Variants in GGACT observed in about 807,000 individuals in gnomAD.
The protein encoded by GGACT is gamma-glutamylamine cyclotransferase.
For synonymous variants in GGACT, 118 were observed against 115.3 expected, an observed-to-expected ratio of 1.02 and a Z score of -0.15; for missense variants, 241 against 233.2, an observed-to-expected ratio of 1.03 and a Z score of -0.22.
At chr13:100,554,789 G>C (rs1318350581) in intron 2 of GGACT, among the ~76,000 whole-genome samples, 1 of 152,174 alleles carries the variant, frequency 6.6e-6, no homozygotes, top group Non-Finnish European at 1.5e-5. Context: ...GGATATATGA[G>C]AATCATTGTA....
chr13:100,565,112 C>T (rs2088799642), intron 2 of GGACT, among the ~76,000 whole-genome samples: 1 of 152,180 alleles, frequency 6.6e-6, no homozygotes, highest in East Asian at 1.9e-4. Flanking sequence ...GTTCCCACTG[C>T]GTATGTGGCT....
intron 2 of GGACT, among the ~76,000 whole-genome samples, chr13:100,570,855 T>C (rs9518096): frequency 0.42 from 63,130 of 151,896 alleles, 13,675 homozygotes; most frequent in Non-Finnish European, 0.47. Context: ...CCCAAAAACG[T>C]GGAATCTTAG....
chr13:100,557,617 T>G (rs1303556463), intron 2 of GGACT, among the ~76,000 whole-genome samples: 1 of 152,180 alleles, frequency 6.6e-6, no homozygotes, highest in Non-Finnish European at 1.5e-5. Context: ...CCCTATACAC[T>G]AATTAACTCA....
Position 100,543,197 on chromosome 13 carries a change from C to CTTTTTTTTTTTTTTT in GGACT, c.-10-10611_-10-10597dup, listed in dbSNP as rs147710327. ...CAAAAGGATTTTAAAAAGACACCAG[C>CTTTTTTTTTTTTTTT]TTTTTTTTTTTTTTTTTTTTTTTTT... On this transcript the variant is annotated intron_variant, in intron 2 of 2. Coordinates refer to ENST00000683975, the MANE Select transcript of GGACT (RefSeq NM_001195087.2). 1.1e-3 allele frequency among the ~76,000 whole-genome samples: 77 copies of CTTTTTTTTTTTTTTT among 69,904 alleles called. 19 individuals are homozygous for CTTTTTTTTTTTTTTT. The highest frequency in any genetic ancestry group is 4.6e-3 in the African/African-American group (74 of 16,186). The allele number at this position is 69,904 out of a possible 152,430, so 45.9% of individuals were successfully genotyped here. A position where few individuals can be genotyped will look rare whatever the true frequency, so the allele number is the denominator to read the frequency against.
At chr13:100,575,212 T>C (rs1875213602) in intron 2 of GGACT, among the ~76,000 whole-genome samples, 1 of 152,334 alleles carries the variant, frequency 6.6e-6, no homozygotes, top group East Asian at 1.9e-4. Flanking sequence ...GCCTATACCA[T>C]AGCAGTTAAC....
intron 2 of GGACT, among the ~76,000 whole-genome samples, chr13:100,551,868 G>A (rs1325248429): frequency 6.6e-6 from 1 of 152,226 alleles, no homozygotes; most frequent in Non-Finnish European, 1.5e-5. Context: ...TCCCTAGGGA[G>A]CAGGTCTCTG....
intron 2 of GGACT, among the ~76,000 whole-genome samples, chr13:100,547,522 C>T (rs191098286): frequency 7.9e-5 from 12 of 152,330 alleles, no homozygotes; most frequent in African/African-American, 2.4e-4. Context: ...GCAGGCCCCG[C>T]GCAGGCCTGG....
At chr13:100,584,705 T>C (rs1678645939) in intron 1 of GGACT, among the ~76,000 whole-genome samples, 1 of 152,228 alleles carries the variant, frequency 6.6e-6, no homozygotes, top group South Asian at 2.1e-4. Flanking sequence ...TTACACATTG[T>C]ATCTCATATA....
At chr13:100,588,587 C>T (rs1875654276) in intron 1 of GGACT, 154 bp downstream of exon 1, 1 of 152,002 alleles carries the variant, frequency 6.6e-6, no homozygotes, top group African/African-American at 2.4e-5. Flanking sequence ...GCGCCCCAGG[C>T]CTCCTCCCTC....
chr13:100,567,787 GT>G (rs1469200174), intron 2 of GGACT, among the ~76,000 whole-genome samples: 1 of 152,186 alleles, frequency 6.6e-6, no homozygotes, highest in Non-Finnish European at 1.5e-5. Context: ...ATTCATTCCA[GT>G]TTTCTGCATT....
chr13:100,566,759 C>G (rs1419623038), intron 2 of GGACT, among the ~76,000 whole-genome samples: 81 of 152,366 alleles, frequency 5.3e-4, no homozygotes, highest in Non-Finnish European at 1.8e-4. Flanking sequence ...TCTGATCTCA[C>G]TACACTACAA....
At chr13:100,562,624 C>T (rs1342329863) in intron 2 of GGACT, among the ~76,000 whole-genome samples, 5 of 151,916 alleles carry the variant, frequency 3.3e-5, no homozygotes, top group African/African-American at 4.8e-5. Flanking sequence ...AGTAAAACCC[C>T]GTCTCTACTA....
chr13:100,532,492 C>A lies in GGACT; in HGVS notation c.100G>T (p.Gly34Cys), dbSNP rs1011414211. 2 of 1,548,892 alleles carry A rather than the reference C, an allele frequency of 1.3e-6. No individual in the cohort carries two copies. The highest frequency in any genetic ancestry group is 1.7e-6 in the Non-Finnish European group (2 of 1,146,238). The change falls in exon 3 of 3, where the codon GGC becomes TGC. Residue 34 changes from glycine to cysteine, a missense_variant. Coordinates refer to ENST00000683975, the MANE Select transcript of GGACT (RefSeq NM_001195087.2). Reference protein sequence around the residue: ...AHGSAAFRARGRTLEPYPLVI... With the variant: ...AHGSAAFRARCRTLEPYPLVI... ...AACGGGTAGGGCTCCAGCGTGCGGC[C>A]GCGCGCCCGAAAGGCTGCGGAGCCG... is the stretch of plus-strand genomic sequence containing the variant.
intron 1 of GGACT, among the ~76,000 whole-genome samples, chr13:100,587,987 C>G (rs892760143): frequency 4.6e-5 from 7 of 152,206 alleles, no homozygotes; most frequent in Non-Finnish European, 7.3e-5. Context: ...GATCGCGCCA[C>G]TGCACTCCAG....
intron 2 of GGACT, among the ~76,000 whole-genome samples, chr13:100,575,051 G>A (rs577654063): frequency 6.6e-6 from 1 of 152,246 alleles, no homozygotes; most frequent in African/African-American, 2.4e-5. Flanking sequence ...TAGAAAGGAA[G>A]GTCTGCCAAT....
At chr13:100,552,958 C>A (rs1035371011) in intron 2 of GGACT, among the ~76,000 whole-genome samples, 9 of 151,872 alleles carry the variant, frequency 5.9e-5, no homozygotes, top group African/African-American at 2.2e-4. Flanking sequence ...CTGGGGATAC[C>A]CAGGAGCAGG....
intron 2 of GGACT, among the ~76,000 whole-genome samples, chr13:100,569,920 C>T (rs2153016115): frequency 6.6e-6 from 1 of 152,342 alleles, no homozygotes; most frequent in East Asian, 1.9e-4. Context: ...ACTTTTGCTC[C>T]AGTTCCCAAC....
chr13:100,559,928 A>G (rs146695607), intron 2 of GGACT, among the ~76,000 whole-genome samples: 2 of 152,386 alleles, frequency 1.3e-5, no homozygotes, highest in East Asian at 3.9e-4. Context: ...GAATGCTTAA[A>G]CAAACTGAGG....
At chr13:100,550,360 G>C (rs2088650518) in intron 2 of GGACT, among the ~76,000 whole-genome samples, 6 of 110,202 alleles carry the variant, frequency 5.4e-5, no homozygotes, top group Admixed American at 2.0e-4. Flanking sequence ...ACACACCACT[G>C]GCCCTTCTAA....
Sources: gnomAD v4.1 joint callset for allele counts (sites outside exome capture counted in the v4.1 genomes callset) on GRCh38, gnomAD v4.1.1 for gene constraint, MANE v1.5 for transcripts, NCBI Gene and HGNC (gene_info 2026-07-23, HGNC 2026-07-21) for gene names.